The following TSNAX variants were observed in gnomAD, a reference collection of about 807,000 sequenced individuals.
The protein encoded by TSNAX is translin-associated protein X.
TSNAX carries 12 observed loss-of-function variants against 33.0 expected under a neutral mutation model. The ratio of observed to expected loss-of-function variants is 0.36; its 90% CI spans 0.23 to 0.59. The LOEUF (loss-of-function observed/expected upper bound fraction) is 0.59, where lower values mean the gene tolerates loss of function less well. Among genes scored for constraint, TSNAX ranks in the 20% least tolerant of loss-of-function variants. The probability of loss-of-function intolerance (pLI) is 0.74; values close to 1 mark genes in which losing one functional copy is unlikely to be tolerated. For missense variants in TSNAX, 267 were observed against 341.3 expected, an observed-to-expected ratio of 0.78 and a Z score of 1.72; for synonymous variants, 110 against 117.2, an observed-to-expected ratio of 0.94 and a Z score of 0.40.
At chr1:231,534,024 A>C (rs1391618061) in intron 2 of TSNAX, 1 of 152,172 alleles carries the variant, frequency 6.6e-6, no homozygotes, top group Non-Finnish European at 1.5e-5. Flanking sequence ...CACATATTAC[A>C]TTGTAATGTC....
At chr1:231,548,540 G>C (rs1423037118) in intron 4 of TSNAX, among the ~76,000 whole-genome samples, 1 of 152,198 alleles carries the variant, frequency 6.6e-6, no homozygotes, top group Non-Finnish European at 1.5e-5. Flanking sequence ...TTAGCAGTGG[G>C]AATAGAGAGG....
intron 4 of TSNAX, among the ~76,000 whole-genome samples, 189 bp from the exon 5 acceptor site, chr1:231,560,939 C>T (rs1204589049): frequency 1.3e-5 from 2 of 151,952 alleles, no homozygotes; most frequent in Non-Finnish European, 2.9e-5. Context: ...GGATTACAGG[C>T]GTGAGCCACC....
chr1:231,554,355 CAG>C (rs1274143621), intron 4 of TSNAX, among the ~76,000 whole-genome samples: 1 of 151,962 alleles, frequency 6.6e-6, no homozygotes, highest in Non-Finnish European at 1.5e-5. Flanking sequence ...TGAGGAGAAA[CAG>C]ATTATTAGAA....
rs980900170 is a variant in TSNAX at position 231,564,535 on chromosome 1, C to G, written c.503C>G (p.Ser168Cys). 2 of 1,611,454 alleles carry G rather than the reference C, an allele frequency of 1.2e-6. No individual in the cohort carries two copies. Among genetic ancestry groups the G allele is most frequent in the East Asian group, 4.5e-5 (2 of 44,808 alleles). Residue 168 changes from serine to cysteine, a missense_variant, in exon 6 of 6, where the codon TCT becomes TGT. Physicochemically the swap from Ser to Cys is moderately radical, Grantham distance 112 (BLOSUM62 -1). Transcript: ENST00000366639. ...DNGKENKTPS[S>C]DAQDKQFGTW... The stretch of plus-strand genomic sequence containing the variant: ...GTTTTGTTTTTTTACCAGCCCTCCT[C>G]TGATGCACAGGATAAGCAGTTTGGT...
chr1:231,552,799 C>T (rs1660410893), intron 4 of TSNAX, among the ~76,000 whole-genome samples: 2 of 152,142 alleles, frequency 1.3e-5, no homozygotes, highest in Non-Finnish European at 1.5e-5. Flanking sequence ...ACTTTTGTCT[C>T]TATGGTAATT....
In TSNAX at chr1:231,564,807, G is replaced by T; in HGVS notation, c.775G>T (p.Ala259Ser). The part of the protein sequence containing the change: ...SLAKVENACY[A>S]LKVRGSEIPK... ...GGCCAAAGTGGAGAATGCTTGTTAT[G>T]CCTTGAAAGTCAGAGGGTCAGAAAT... Residue 259 changes from alanine (A) to serine (S), a missense_variant, in exon 6 of 6, where the codon GCC becomes TCC. Physicochemically the swap from Ala to Ser is moderately conservative, Grantham distance 99 (BLOSUM62 1). Around this residue, in one of 2 missense-constraint regions of TSNAX, gnomAD observed 67 missense variants for 127.2 expected, o/e 0.53. Coordinates refer to ENST00000366639, the MANE Select transcript of TSNAX (RefSeq NM_005999.3). 6.2e-7 allele frequency: 1 copy of T among 1,614,138 alleles called. No individual in the cohort carries two copies.
At chr1:231,559,231 A>G (rs1320588809) in intron 4 of TSNAX, among the ~76,000 whole-genome samples, 4 of 152,204 alleles carry the variant, frequency 2.6e-5, no homozygotes, top group Non-Finnish European at 5.9e-5. Flanking sequence ...TAAACTAACA[A>G]TAATAATTAA....
chr1:231,536,955 C>A (rs1287624984), intron 2 of TSNAX: 1 of 218,740 alleles, frequency 4.6e-6, no homozygotes, highest in East Asian at 9.8e-5. Context: ...GCCTCAGCCT[C>A]CCGAGTAGCT....
intron 5 of TSNAX, among the ~76,000 whole-genome samples, chr1:231,562,139 TA>T (rs1661156612): frequency 6.7e-6 from 1 of 149,032 alleles, no homozygotes; most frequent in Admixed American, 6.7e-5. Flanking sequence ...TATTTTAAAA[TA>T]ATTTATATTA....
In TSNAX at chr1:231,541,745, C is replaced by T. The variant is rs116704921; in HGVS notation, c.237-736C>T. ...CTGCTGATGATAAATCAATTCTTTC[C>T]GGCTCTGTGAACTAAGGGGATTGTT... On this transcript the variant is annotated intron_variant, in intron 3 of 5. Coordinates refer to ENST00000366639, the MANE Select transcript of TSNAX (RefSeq NM_005999.3). Among the ~76,000 whole-genome samples, 289 of 152,110 alleles carry T rather than the reference C, an allele frequency of 1.9e-3. 1 individual carries two copies. The highest frequency in any genetic ancestry group is 6.6e-3 in the African/African-American group (273 of 41,504).
intron 4 of TSNAX, among the ~76,000 whole-genome samples, chr1:231,550,606 T>C (rs1227456027): frequency 6.6e-6 from 1 of 152,200 alleles, no homozygotes. Flanking sequence ...GGGAGCCTTA[T>C]TGATAACCAT....
chr1:231,547,389 C>CTTTTTTTTTTTTTTT (rs71179784), intron 4 of TSNAX, among the ~76,000 whole-genome samples: 9 of 104,700 alleles, frequency 8.6e-5, no homozygotes, highest in Admixed American at 1.1e-4. Context: ...TTTTTTTTTT[C>CTTTTTTTTTTTTTTT]TTTTTTTTTT....
rs1054727076 is a variant in TSNAX, at chr1:231,565,806, A to T, written c.*901A>T. 2 of 152,226 alleles carry T rather than the reference A, an allele frequency of 1.3e-5. No individual in the cohort carries two copies. The highest frequency in any genetic ancestry group is 4.8e-5 in the African/African-American group (2 of 41,462). 9.4% of individuals were successfully genotyped at this position (152,226 alleles called of 1,614,324 possible). A position where few individuals can be genotyped will look rare whatever the true frequency, so the allele number is the denominator to read the frequency against. ...TTCGCATTCTGGCTGATTTTAAGCC[A>T]TTTAAAATTTATATAAAACAACCTT... On this transcript the variant is annotated 3_prime_UTR_variant, in exon 6 of 6. Transcript: ENST00000366639.
intron 3 of TSNAX, among the ~76,000 whole-genome samples, chr1:231,538,857 A>G (rs891395355): frequency 2.6e-5 from 4 of 151,378 alleles, no homozygotes; most frequent in Non-Finnish European, 5.9e-5. Flanking sequence ...GATTGAGCCC[A>G]GGTGGTCAAG....
rs191179941 is a variant in TSNAX, at chr1:231,537,797, A to G, written c.236+470A>G. Among the ~76,000 whole-genome samples, 74 of 152,170 alleles carry G rather than the reference A, an allele frequency of 4.9e-4. No individual in the cohort carries two copies. In the Middle Eastern group the frequency reaches 0.01, roughly 21 times the overall value. The stretch of plus-strand genomic sequence containing the variant: ...GGGGTTGGGTGGACTTAAGAAAGAA[A>G]AATTCAGAGCAGCTAGGGATTTTGT... On this transcript the variant is annotated intron_variant, in intron 3 of 5. Transcript: ENST00000366639.
chr1:231,529,728 C>A (rs1345715959), intron 2 of TSNAX, among the ~76,000 whole-genome samples: 1 of 152,176 alleles, frequency 6.6e-6, no homozygotes, highest in East Asian at 1.9e-4. Context: ...GGGACGGTAT[C>A]TTTGTTTTAA....
chr1:231,529,527 T>C (rs1658512893), intron 2 of TSNAX, among the ~76,000 whole-genome samples, 168 bp downstream of exon 2: 1 of 152,248 alleles, frequency 6.6e-6, no homozygotes, highest in African/African-American at 2.4e-5. Context: ...CCTTCACTTT[T>C]ATGTCCCATT....
intron 3 of TSNAX, among the ~76,000 whole-genome samples, chr1:231,539,114 C>T (rs962722558): frequency 2.0e-5 from 3 of 152,016 alleles, no homozygotes; most frequent in African/African-American, 7.2e-5. Context: ...TTAGTTTTTG[C>T]TTGTTTTCTC....
intron 3 of TSNAX, among the ~76,000 whole-genome samples, chr1:231,539,390 A>T (rs1487933559): frequency 6.6e-6 from 1 of 152,174 alleles, no homozygotes; most frequent in Non-Finnish European, 1.5e-5. Context: ...AGCATCCCTT[A>T]TCTGGAAATC....
Sources: allele counts gnomAD v4.1 joint callset (sites outside exome capture counted in the v4.1 genomes callset), GRCh38; gene constraint gnomAD v4.1.1; regional missense constraint gnomAD v4.1.1; transcripts MANE v1.5; gene names NCBI Gene and HGNC (gene_info 2026-07-23, HGNC 2026-07-21).